Variants in CTNNA2 observed in about 807,000 individuals in gnomAD.
CTNNA2 encodes catenin alpha 2, also known as catenin alpha-2.
CTNNA2 carries 42 observed loss-of-function variants against 101.0 expected under a neutral mutation model. That is an observed-to-expected ratio of 0.42 (90% CI 0.32 to 0.54). CTNNA2 has a LOEUF of 0.54. CTNNA2 is among the 20% of genes least tolerant of loss of function. CTNNA2 has a pLI of 0.14. For synonymous variants in CTNNA2, 450 were observed against 456.4 expected (o/e 0.99, Z 0.18); for missense variants, 871 against 1,223.1 (o/e 0.71, Z 4.29).
At chr2:80,516,784 TACAG>T (rs1689146969) in intron 9 of CTNNA2, among the ~76,000 whole-genome samples, 1 of 152,198 alleles carries the variant, frequency 6.6e-6, no homozygotes, top group African/African-American at 2.4e-5. Flanking sequence ...GAGCAAGAAA[TACAG>T]ACAAATTAAG....
rs369960272 is a variant in CTNNA2 at position 79,970,572 on chromosome 2, C to T, written c.1056+60775C>T. Reference sequence around the variant, plus strand: ...TGCTCCGTATGGAGAAGAGGAAAAGCGTTTCCAAGCTGATTCCTGGATTCA... The same window carrying T: ...TGCTCCGTATGGAGAAGAGGAAAAGTGTTTCCAAGCTGATTCCTGGATTCA... On this transcript the variant is annotated intron_variant, in intron 7 of 18. Coordinates refer to ENST00000402739, the MANE Select transcript of CTNNA2 (RefSeq NM_001282597.3). Among the ~76,000 whole-genome samples the T allele has an allele frequency of 1.1e-4, 16 of 152,216 alleles. No homozygotes were observed. The East Asian group carries it at 1.4e-3, about 13-fold the overall frequency.
At chr2:80,509,601 C>T (rs1000905610) in intron 9 of CTNNA2, among the ~76,000 whole-genome samples, 4 of 152,152 alleles carry the variant, frequency 2.6e-5, no homozygotes, top group African/African-American at 4.8e-5. Flanking sequence ...CCTTGGGGTC[C>T]GTGGGTACTT....
chr2:79,284,698 C>G (rs1292392001), intron 2 of CTNNA2, among the ~76,000 whole-genome samples: 2 of 150,692 alleles, frequency 1.3e-5, no homozygotes, highest in African/African-American at 2.4e-5. Context: ...CAATGTTCAT[C>G]AAGGATATTG....
chr2:79,286,240 T>C (rs1178665985), intron 2 of CTNNA2, among the ~76,000 whole-genome samples: 1 of 152,178 alleles, frequency 6.6e-6, no homozygotes, highest in Non-Finnish European at 1.5e-5. Flanking sequence ...AATTGGAGCA[T>C]TTAGTCCATT....
intron 2 of CTNNA2, among the ~76,000 whole-genome samples, chr2:79,305,989 T>C (rs1676233751): frequency 7.0e-6 from 1 of 143,556 alleles, no homozygotes; most frequent in African/African-American, 2.7e-5. Flanking sequence ...GAGCTTGCAG[T>C]GAGCTGAGAT....
chr2:79,914,030 A>G (rs10165104), intron 7 of CTNNA2, among the ~76,000 whole-genome samples: 1,662 of 148,110 alleles, frequency 0.011, 27 homozygotes, highest in Admixed American at 0.029. Context: ...AGCCGGGCGT[A>G]GTGGCGGGCG....
chr2:79,424,577 A>G (rs1678573535), intron 4 of CTNNA2, among the ~76,000 whole-genome samples: 1 of 152,172 alleles, frequency 6.6e-6, no homozygotes, highest in Admixed American at 6.5e-5. Flanking sequence ...CTAGTCAGAT[A>G]TGCAGGAACC....
chr2:80,209,092 T>C (rs949719813), intron 7 of CTNNA2, among the ~76,000 whole-genome samples: 5 of 152,132 alleles, frequency 3.3e-5, no homozygotes, highest in Admixed American at 6.5e-5. Flanking sequence ...TGAGACATCA[T>C]TGTGAAACCA....
At chr2:80,626,059 C>T (rs1311249262) in intron 18 of CTNNA2, among the ~76,000 whole-genome samples, 1 of 151,636 alleles carries the variant, frequency 6.6e-6, no homozygotes, top group African/African-American at 2.4e-5. Context: ...TTTCATTTGC[C>T]CCCTTATGCA....
At chr2:79,520,283 C>A (rs1672034252) in intron 1 of CTNNA2, among the ~76,000 whole-genome samples, 1 of 152,252 alleles carries the variant, frequency 6.6e-6, no homozygotes, top group East Asian at 1.9e-4. Context: ...ACTATAGATT[C>A]TTTTTTCCTA....
intron 4 of CTNNA2, among the ~76,000 whole-genome samples, chr2:79,418,525 G>A (rs1228707332): frequency 2.6e-5 from 4 of 152,104 alleles, no homozygotes; most frequent in East Asian, 3.9e-4. Context: ...TGCAAAGGTG[G>A]TTTCAAAGTC....
At chr2:80,638,926 C>T (rs1046463956) in intron 18 of CTNNA2, among the ~76,000 whole-genome samples, 4 of 152,322 alleles carry the variant, frequency 2.6e-5, no homozygotes, top group Admixed American at 1.3e-4. Context: ...GCAGTGCCTT[C>T]CTGCCAAGGT....
intron 2 of CTNNA2, among the ~76,000 whole-genome samples, chr2:79,734,672 G>A (rs1670741869): frequency 6.6e-6 from 1 of 152,074 alleles, no homozygotes; most frequent in African/African-American, 2.4e-5. Context: ...ATAAGAGCCA[G>A]GATTGAGACT....
At chr2:79,628,307 G>T (rs1273554383) in intron 1 of CTNNA2, among the ~76,000 whole-genome samples, 1 of 152,014 alleles carries the variant, frequency 6.6e-6, no homozygotes, top group Non-Finnish European at 1.5e-5. Flanking sequence ...CGAAAAATTA[G>T]CCAGGTGTGG....
intron 2 of CTNNA2, among the ~76,000 whole-genome samples, chr2:79,677,951 T>A (rs1683296946): frequency 6.6e-6 from 1 of 152,152 alleles, no homozygotes; most frequent in Admixed American, 6.5e-5. Flanking sequence ...ATAGATGAAA[T>A]TAAACAAAAC....
intron 7 of CTNNA2, among the ~76,000 whole-genome samples, chr2:80,109,749 G>C (rs902504113): frequency 6.6e-5 from 10 of 152,076 alleles, no homozygotes; most frequent in African/African-American, 2.2e-4. Flanking sequence ...TATTCATGGG[G>C]AGCTCTTCTG....
chr2:79,228,843 G>C (rs1158233450), intron 2 of CTNNA2, among the ~76,000 whole-genome samples: 1 of 152,058 alleles, frequency 6.6e-6, no homozygotes, highest in Non-Finnish European at 1.5e-5. Flanking sequence ...ATGTAAAGAA[G>C]GGTATCTCCT....
chr2:79,264,868 G>T (rs184381875), intron 2 of CTNNA2, among the ~76,000 whole-genome samples: 1 of 152,034 alleles, frequency 6.6e-6, no homozygotes, highest in Non-Finnish European at 1.5e-5. Context: ...TTAAGCTAAG[G>T]AGAGGAAGTC....
intron 7 of CTNNA2, among the ~76,000 whole-genome samples, chr2:80,079,828 T>TAAAATAAAATAAAATA (rs371009954): frequency 8.9e-4 from 107 of 120,100 alleles, no homozygotes; most frequent in South Asian, 1.3e-3. Context: ...TAAAATAAAA[T>TAAAATAAAATAAAATA]AAATAAAATA....
Sources: allele counts gnomAD v4.1 joint callset (sites outside exome capture counted in the v4.1 genomes callset), GRCh38; gene constraint gnomAD v4.1.1; transcripts MANE v1.5; gene names NCBI Gene and HGNC (gene_info 2026-07-23, HGNC 2026-07-21).